The following DGKB variants were observed in gnomAD, a reference collection of about 807,000 sequenced individuals.
DGKB encodes 90 kDa diacylglycerol kinase.
In DGKB, 67 loss-of-function variants were observed where a neutral mutation model predicts 114.3. That is an observed-to-expected ratio of 0.59 (90% CI 0.48 to 0.72). The LOEUF (loss-of-function observed/expected upper bound fraction) is 0.72. DGKB is among the 30% of genes least tolerant of loss of function. The probability of loss-of-function intolerance (pLI) is 0.00; values close to 1 mark genes in which losing one functional copy is unlikely to be tolerated. For missense variants in DGKB, 907 were observed against 975.2 expected (o/e 0.93, Z 0.93); for synonymous variants, 398 against 323.1 (o/e 1.23, Z -2.49).
chr7:14,324,400 T>C (rs571024865), intron 23 of DGKB, among the ~76,000 whole-genome samples: 9 of 150,072 alleles, frequency 6.0e-5, no homozygotes, highest in East Asian at 4.0e-4. Context: ...TGAGCCAAGA[T>C]TGCACCACCG....
At chr7:14,853,032 C>T (rs35942620) in intron 1 of DGKB, among the ~76,000 whole-genome samples, 1 of 152,042 alleles carries the variant, frequency 6.6e-6, no homozygotes, top group Non-Finnish European at 1.5e-5. Flanking sequence ...CTGATGATTG[C>T]GGGCAAAGAA....
intron 7 of DGKB, among the ~76,000 whole-genome samples, chr7:14,700,731 T>A (rs556247078): frequency 2.6e-5 from 4 of 152,202 alleles, no homozygotes; most frequent in Non-Finnish European, 5.9e-5. Context: ...GGGTGGTCTA[T>A]CAGATGACGA....
At chr7:14,342,811 A>G (rs1340668534) in intron 22 of DGKB, among the ~76,000 whole-genome samples, 1 of 151,862 alleles carries the variant, frequency 6.6e-6, no homozygotes, top group Admixed American at 6.6e-5. Context: ...ATCAACCCAA[A>G]TATTTGCCCT....
intron 15 of DGKB, among the ~76,000 whole-genome samples, chr7:14,619,381 A>T (rs1349640358): frequency 6.6e-6 from 1 of 151,702 alleles, no homozygotes; most frequent in Admixed American, 6.6e-5. Flanking sequence ...ATTTCAGATT[A>T]TTTTAAAATA....
Position 14,584,458 on chromosome 7 carries a change from A to G in DGKB, c.1434-1321T>C, listed in dbSNP as rs180706938. 7.9e-5 allele frequency among the ~76,000 whole-genome samples: 12 copies of G among 152,232 alleles called. No individual in the cohort carries two copies. The East Asian group carries it at 1.9e-3, about 25-fold the overall frequency. On this transcript the variant is annotated intron_variant, in intron 17 of 25. Coordinates refer to ENST00000402815, the MANE Select transcript of DGKB (RefSeq NM_001350709.2). ...ATTCATTTCCTTGCAACCACAAAAC[A>G]CTACATATGAACAACTTTATGATAT... is the stretch of plus-strand genomic sequence containing the variant.
intron 13 of DGKB, among the ~76,000 whole-genome samples, chr7:14,665,364 C>T (rs1407360790): frequency 6.6e-6 from 1 of 151,608 alleles, no homozygotes; most frequent in African/African-American, 2.4e-5. Flanking sequence ...GCAACAACGA[C>T]AGAGGGTGGA....
chr7:14,360,854 C>T (rs533240788), intron 21 of DGKB, among the ~76,000 whole-genome samples: 6 of 152,070 alleles, frequency 3.9e-5, no homozygotes, highest in African/African-American at 1.4e-4. Flanking sequence ...CACTGAAAGG[C>T]CAGTTAATAC....
chr7:14,339,333 A>G (rs796699680), intron 22 of DGKB, among the ~76,000 whole-genome samples: 7 of 152,082 alleles, frequency 4.6e-5, no homozygotes, highest in African/African-American at 1.7e-4. Flanking sequence ...TGAGAGGCAC[A>G]GTTGTCCAAA....
chr7:14,943,470 A>C (rs549021849), intron 1 of DGKB, among the ~76,000 whole-genome samples: 1 of 151,998 alleles, frequency 6.6e-6, no homozygotes, highest in Non-Finnish European at 1.5e-5. Flanking sequence ...AGATAAGCTT[A>C]AACAGACAAT....
intron 7 of DGKB, among the ~76,000 whole-genome samples, chr7:14,699,061 AC>A (rs1230422291): frequency 6.6e-6 from 1 of 152,042 alleles, no homozygotes; most frequent in Non-Finnish European, 1.5e-5. Flanking sequence ...ATACGATAAA[AC>A]AGATTCTCTT....
At chr7:14,540,016 C>A (rs572246591) in intron 20 of DGKB, among the ~76,000 whole-genome samples, 27 of 152,062 alleles carry the variant, frequency 1.8e-4, no homozygotes, top group African/African-American at 6.0e-4. Flanking sequence ...ATATACTACT[C>A]ATTTGTGGAC....
chr7:14,249,209 G>T (rs921660741), intron 23 of DGKB, among the ~76,000 whole-genome samples: 2 of 152,106 alleles, frequency 1.3e-5, no homozygotes, highest in African/African-American at 2.4e-5. Flanking sequence ...TAATCATAGT[G>T]TATGACCCTT....
intron 24 of DGKB, 37 bp downstream of exon 24, chr7:14,177,994 T>C: frequency 3.3e-6 from 5 of 1,515,524 alleles, no homozygotes; most frequent in Non-Finnish European, 4.4e-6. Context: ...GGCTATGCCA[T>C]ATCAAACGCC....
intron 20 of DGKB, among the ~76,000 whole-genome samples, chr7:14,566,535 C>T (rs1246697779): frequency 6.6e-6 from 1 of 152,142 alleles, no homozygotes; most frequent in Non-Finnish European, 1.5e-5. Flanking sequence ...CAACTATCAC[C>T]TTTAGTAGAA....
chr7:14,537,734 A>G (rs1358247680), intron 20 of DGKB, among the ~76,000 whole-genome samples: 5 of 152,198 alleles, frequency 3.3e-5, no homozygotes, highest in Non-Finnish European at 7.3e-5. Flanking sequence ...TGATCTTGAC[A>G]ATGATTACTT....
At chr7:14,556,204 G>A (rs1044667118) in intron 20 of DGKB, among the ~76,000 whole-genome samples, 1 of 151,992 alleles carries the variant, frequency 6.6e-6, no homozygotes, top group African/African-American at 2.4e-5. Context: ...ATGCTGAGTG[G>A]TTTTTTAACT....
chr7:14,418,183 A>G (rs1167758916), intron 21 of DGKB, among the ~76,000 whole-genome samples: 1 of 143,278 alleles, frequency 7.0e-6, no homozygotes, highest in Non-Finnish European at 1.5e-5. Flanking sequence ...TTATAAATAT[A>G]AATATAAAAA....
chr7:14,550,239 G>C (rs192508389), intron 20 of DGKB, among the ~76,000 whole-genome samples: 1 of 152,056 alleles, frequency 6.6e-6, no homozygotes. Flanking sequence ...TAGAGATTAG[G>C]TTAATTTTTT....
chr7:14,309,706 T>C (rs1158150837), intron 23 of DGKB, among the ~76,000 whole-genome samples: 1 of 152,216 alleles, frequency 6.6e-6, no homozygotes, highest in Non-Finnish European at 1.5e-5. Context: ...TATAGGATAA[T>C]TCTTGTTCTT....
Sources: gnomAD v4.1 joint callset for allele counts (sites outside exome capture counted in the v4.1 genomes callset) on GRCh38, gnomAD v4.1.1 for gene constraint, MANE v1.5 for transcripts, NCBI Gene and HGNC (gene_info 2026-07-23, HGNC 2026-07-21) for gene names.